The following ANAPC16 variants were observed in gnomAD, a reference collection of about 807,000 sequenced individuals.
ANAPC16 encodes anaphase promoting complex subunit 16, also known as anaphase-promoting complex subunit 16.
Under a neutral mutation model 13.1 loss-of-function variants are expected in ANAPC16, and 6 were observed. The observed-to-expected ratio is 0.46, with a 90% CI of 0.25 to 0.90. The LOEUF (loss-of-function observed/expected upper bound fraction) is 0.90. ANAPC16 is among the 40% of genes least tolerant of loss of function. The pLI is 0.18. For synonymous variants in ANAPC16, 55 were observed against 51.3 expected (o/e 1.07, Z -0.31); for missense variants, 113 against 131.1 (o/e 0.86, Z 0.67).
chr10:72,216,096 T>C lies in ANAPC16; in HGVS notation c.-70T>C, dbSNP rs1859232672. ...TGGTGAGCGCAGCCACTCAGGCTGG[T>C]CCTGGGGGTGGGGCTGTAGGGGAAA... On this transcript the variant is annotated 5_prime_UTR_variant, in exon 1 of 4. Coordinates refer to ENST00000299381, the MANE Select transcript of ANAPC16 (RefSeq NM_173473.4). 6.6e-6 allele frequency: 1 copy of C among 152,330 alleles called. No homozygotes were observed. Among genetic ancestry groups the C allele is most frequent in the South Asian group, 2.1e-4 (1 of 4,848 alleles). 9.4% of individuals were successfully genotyped at this position (152,330 alleles called of 1,614,324 possible).
chr10:72,216,953 A>C (rs2133621801), intron 1 of ANAPC16: 1 of 456,186 alleles, frequency 2.2e-6, no homozygotes, highest in African/African-American at 2.0e-5. Context: ...TGAGAAAGAA[A>C]AAAATCCATA....
Position 72,228,492 on chromosome 10 carries a change from T to G in ANAPC16, c.143-1874T>G, listed in dbSNP as rs140984788. Among the ~76,000 whole-genome samples the G allele has an allele frequency of 2.6e-4, 39 of 152,324 alleles. No individual in the cohort carries two copies. The East Asian group carries it at 6.7e-3, about 26-fold the overall frequency. ...ATTGGAGTTGGCTATGGTGTTAGATTTGGGTAATTTACTAAACTTTTCCCT... is the reference window on the plus strand; with the variant it reads ...ATTGGAGTTGGCTATGGTGTTAGATGTGGGTAATTTACTAAACTTTTCCCT... On this transcript the variant is annotated intron_variant, in intron 2 of 3. Coordinates refer to ENST00000299381, the MANE Select transcript of ANAPC16 (RefSeq NM_173473.4).
At chr10:72,217,703 G>C (rs192489246) in intron 1 of ANAPC16, among the ~76,000 whole-genome samples, 155 of 152,156 alleles carry the variant, frequency 1.0e-3, no homozygotes, top group Non-Finnish European at 1.6e-3. Context: ...TTTATGAAGT[G>C]TTTACTAAGC....
intron 2 of ANAPC16, among the ~76,000 whole-genome samples, chr10:72,227,388 CATTTAT>C (rs1374650702): frequency 2.0e-5 from 3 of 152,076 alleles, no homozygotes; most frequent in Non-Finnish European, 4.4e-5. Context: ...TTGTAGGATA[CATTTAT>C]ATTAAGTATA....
At chr10:72,228,739 AGT>A (rs1205670636) in intron 2 of ANAPC16, among the ~76,000 whole-genome samples, 2 of 152,228 alleles carry the variant, frequency 1.3e-5, no homozygotes, top group African/African-American at 4.8e-5. Flanking sequence ...AATCAGCAAA[AGT>A]GTGTTCCACA....
chr10:72,223,967 T>C lies in ANAPC16; in HGVS notation c.53T>C (p.Val18Ala), dbSNP rs1404238579. ...SSAGGVSGSS[V>A]TGSGFSVSDL... ...GCTGGTGGGGTCAGTGGAAGTTCTG[T>C]CACTGGATCTGGTTTCAGTGTCTCA... The change falls in exon 2 of 4, where the codon GTC becomes GCC. Residue 18 changes from valine (V) to alanine (A), a missense_variant. By Grantham distance (64) the Val-to-Ala change is moderately conservative. Coordinates refer to ENST00000299381, the MANE Select transcript of ANAPC16 (RefSeq NM_173473.4). The C allele has an allele frequency of 1.6e-5, 26 of 1,612,040 alleles. 1 individual carries two copies. The East Asian group carries it at 5.6e-4, about 35-fold the overall frequency.
At chr10:72,223,741 A>C in intron 1 of ANAPC16, 147 bp from the exon 2 acceptor site, 1 of 559,702 alleles carries the variant, frequency 1.8e-6, no homozygotes, top group Non-Finnish European at 2.9e-6. Context: ...CTGAGACATC[A>C]ATAAAATATT....
Position 72,233,136 on chromosome 10 carries a change from T to G in ANAPC16, c.*20T>G, listed in dbSNP as rs1234562648. The G allele has an allele frequency of 6.2e-7, 1 of 1,602,602 alleles. No individual in the cohort carries two copies. The highest frequency in any genetic ancestry group is 8.5e-7 in the Non-Finnish European group (1 of 1,170,162). ...GGTTGATACTGCCTGGATGGTCACC[T>G]CTGGTGCGCAGCAAGTGCAAAGCCA... On this transcript the variant is annotated 3_prime_UTR_variant, in exon 4 of 4. Coordinates refer to ENST00000299381, the MANE Select transcript of ANAPC16 (RefSeq NM_173473.4).
intron 1 of ANAPC16, among the ~76,000 whole-genome samples, chr10:72,218,310 T>G (rs1859747113): frequency 6.7e-6 from 1 of 149,908 alleles, no homozygotes; most frequent in African/African-American, 2.5e-5. Context: ...ATGCTTAGCG[T>G]TCCAGTAATG....
Position 72,224,776 on chromosome 10 carries a change from G to A in ANAPC16, c.142+720G>A, listed in dbSNP as rs1860066315. Among the ~76,000 whole-genome samples the A allele has an allele frequency of 2.0e-5, 3 of 152,124 alleles. No individual in the cohort carries two copies. The South Asian group carries it at 6.2e-4, about 31-fold the overall frequency. ...CGGATAGATTCACCCTGTCAGAAAGGTTCTAAGAGGGAATAAAAGCTAATA... is the reference window on the plus strand; with the variant it reads ...CGGATAGATTCACCCTGTCAGAAAGATTCTAAGAGGGAATAAAAGCTAATA... On this transcript the variant is annotated intron_variant, in intron 2 of 3. Coordinates refer to ENST00000299381, the MANE Select transcript of ANAPC16 (RefSeq NM_173473.4).
chr10:72,223,940 C>T lies in ANAPC16; in HGVS notation c.26C>T (p.Ser9Leu), dbSNP rs11553570. Residue 9 changes from serine to leucine, a missense_variant, in exon 2 of 4, where the codon TCA (serine) becomes TTA (leucine). Ser to Leu is a moderately radical substitution (Grantham distance 145). Coordinates refer to ENST00000299381, the MANE Select transcript of ANAPC16 (RefSeq NM_173473.4). ...ATGGCTGCTTCATCATCATCCTCCT[C>T]AGCTGGTGGGGTCAGTGGAAGTTCT... MAASSSSS[S>L]AGGVSGSSVT... 1,674 of 1,607,650 alleles carry T rather than the reference C, an allele frequency of 1.0e-3. 2 individuals are homozygous for T. The highest frequency in any genetic ancestry group is 1.2e-3 in the Non-Finnish European group (1,374 of 1,175,066).
chr10:72,222,014 C>T (rs1411588398), intron 1 of ANAPC16, among the ~76,000 whole-genome samples: 1 of 150,436 alleles, frequency 6.6e-6, no homozygotes, highest in Non-Finnish European at 1.5e-5. Flanking sequence ...AGGTGTGAGC[C>T]ACCGCACCCG....
At chr10:72,229,467 T>G (rs190163399) in intron 2 of ANAPC16, among the ~76,000 whole-genome samples, 18 of 152,224 alleles carry the variant, frequency 1.2e-4, no homozygotes, top group African/African-American at 3.9e-4. Context: ...GGGTGAATGC[T>G]TGAGGCCTAG....
chr10:72,220,883 C>T (rs997877415), intron 1 of ANAPC16: 1 of 151,448 alleles, frequency 6.6e-6, no homozygotes, highest in African/African-American at 2.4e-5. Flanking sequence ...AAAATTCTCT[C>T]TGACCATTAT....
chr10:72,230,779 T>TAC (rs1205504270), intron 3 of ANAPC16, among the ~76,000 whole-genome samples: 1 of 152,040 alleles, frequency 6.6e-6, no homozygotes, highest in African/African-American at 2.4e-5. Flanking sequence ...TAGTCCCAGC[T>TAC]ACTTGGGAGG....
At chr10:72,219,903 A>G (rs569862249) in intron 1 of ANAPC16, among the ~76,000 whole-genome samples, 30 of 152,198 alleles carry the variant, frequency 2.0e-4, no homozygotes, top group Non-Finnish European at 3.5e-4. Flanking sequence ...AACAGCCTTA[A>G]ATCTTCATCA....
At chr10:72,216,412 GC>G in intron 1 of ANAPC16, 1 of 188,872 alleles carries the variant, frequency 5.3e-6, no homozygotes. Flanking sequence ...TAGCTTGGGA[GC>G]CGCTGGTGTT....
At chr10:72,228,435 T>G (rs1860193123) in intron 2 of ANAPC16, among the ~76,000 whole-genome samples, 1 of 152,212 alleles carries the variant, frequency 6.6e-6, no homozygotes, top group East Asian at 1.9e-4. Context: ...GAGGTAATAT[T>G]CTTTTTAATG....
chr10:72,225,213 G>T (rs573077708), intron 2 of ANAPC16, among the ~76,000 whole-genome samples: 1 of 152,170 alleles, frequency 6.6e-6, no homozygotes, highest in East Asian at 1.9e-4. Flanking sequence ...AACCCAGAAG[G>T]CAGAGGTTTT....
Sources: allele counts gnomAD v4.1 joint callset (sites outside exome capture counted in the v4.1 genomes callset), GRCh38; gene constraint gnomAD v4.1.1; transcripts MANE v1.5; gene names NCBI Gene and HGNC (gene_info 2026-07-23, HGNC 2026-07-21).